ANKIB1: variants seen among roughly 807,000 people sequenced by gnomAD.
ANKIB1 encodes ankyrin repeat and IBR domain-containing protein 1.
ANKIB1 carries 43 observed loss-of-function variants against 122.1 expected under a neutral mutation model. That is an observed-to-expected ratio of 0.35 (90% CI 0.28 to 0.45). The LOEUF (loss-of-function observed/expected upper bound fraction) is 0.45, where lower values mean the gene tolerates loss of function less well. ANKIB1 is among the 20% of genes least tolerant of loss of function. The pLI, the probability that ANKIB1 is intolerant of heterozygous loss-of-function variation, is 1.00. For missense variants in ANKIB1, 992 were observed against 1,329.5 expected (o/e 0.75, Z 3.95); for synonymous variants, 390 against 442.0 (o/e 0.88, Z 1.48).
Position 92,260,304 on chromosome 7 carries a change from A to G in ANKIB1, c.-91+13785A>G, listed in dbSNP as rs926574881. On this transcript the variant is annotated intron_variant, in intron 1 of 19. Coordinates refer to ENST00000265742, the MANE Select transcript of ANKIB1 (RefSeq NM_019004.2). ...ACACAGGGTATGCTCCTATGCATGC[A>G]CTGGCTATTTCCTCTATCTGGAATA... Among the ~76,000 whole-genome samples the G allele has an allele frequency of 2.6e-5, 4 of 152,146 alleles. 1 individual carries two copies. The highest frequency in any genetic ancestry group is 4.8e-5 in the African/African-American group (2 of 41,422).
At chr7:92,278,642 A>G (rs928443340) in intron 1 of ANKIB1, among the ~76,000 whole-genome samples, 1 of 152,228 alleles carries the variant, frequency 6.6e-6, no homozygotes, top group African/African-American at 2.4e-5. Context: ...TCTTAGAACA[A>G]TATATTTATA....
At chr7:92,246,658 C>A (rs559212075) in intron 1 of ANKIB1, 139 bp downstream of exon 1, 1 of 448,278 alleles carries the variant, frequency 2.2e-6, no homozygotes, top group South Asian at 1.6e-5. Context: ...CATTGTTGTT[C>A]TGTCTGTCCC....
At chr7:92,321,033 A>G (rs1400645092) in intron 4 of ANKIB1, among the ~76,000 whole-genome samples, 1 of 151,892 alleles carries the variant, frequency 6.6e-6, no homozygotes, top group East Asian at 1.9e-4. Flanking sequence ...TCTCGCAGTT[A>G]TTTTTTGCCG....
At position 92,360,242 on chromosome 7, in the gene ANKIB1, A is replaced by G. The variant is rs551957146; in HGVS notation, c.1398-1943A>G. ...GTAACTCCCCATCCTCTCCTCCCCCAAGCTGGTAACAACCACTCTACTTTC... is the reference window on the plus strand; with the variant it reads ...GTAACTCCCCATCCTCTCCTCCCCCGAGCTGGTAACAACCACTCTACTTTC... On this transcript the variant is annotated intron_variant, in intron 9 of 19. Coordinates refer to ENST00000265742, the MANE Select transcript of ANKIB1 (RefSeq NM_019004.2). Among the ~76,000 whole-genome samples the G allele has an allele frequency of 2.6e-5, 4 of 152,214 alleles. No individual in the cohort carries two copies. The South Asian group carries it at 8.3e-4, about 32-fold the overall frequency.
chr7:92,397,891 C>T, intron 19 of ANKIB1, 32 bp downstream of exon 19: 1 of 1,584,218 alleles, frequency 6.3e-7, no homozygotes, highest in Middle Eastern at 1.7e-4. Context: ...ATTGCCTGTG[C>T]TTTTACTCTT....
intron 1 of ANKIB1, among the ~76,000 whole-genome samples, chr7:92,279,180 G>A (rs1446064750): frequency 6.6e-6 from 1 of 152,196 alleles, no homozygotes; most frequent in African/African-American, 2.4e-5. Flanking sequence ...GCAGAACTCA[G>A]GGGGTAATGT....
At chr7:92,354,709 C>A (rs1803749624) in intron 9 of ANKIB1, among the ~76,000 whole-genome samples, 1 of 151,868 alleles carries the variant, frequency 6.6e-6, no homozygotes. Flanking sequence ...TAGCTTTATA[C>A]CCTTATTCAT....
chr7:92,372,503 C>T (rs1804291834), intron 11 of ANKIB1, among the ~76,000 whole-genome samples: 1 of 152,088 alleles, frequency 6.6e-6, no homozygotes, highest in African/African-American at 2.4e-5. Context: ...CTGTATAATA[C>T]AAGAACCCAA....
intron 11 of ANKIB1, among the ~76,000 whole-genome samples, chr7:92,375,939 C>T (rs187677280): frequency 6.6e-6 from 1 of 152,320 alleles, no homozygotes; most frequent in African/African-American, 2.4e-5. Context: ...ACATTCATTT[C>T]CTTGTACATC....
chr7:92,328,451 A>G (rs942144279), intron 5 of ANKIB1, among the ~76,000 whole-genome samples: 2 of 152,132 alleles, frequency 1.3e-5, no homozygotes, highest in Non-Finnish European at 2.9e-5. Context: ...TTTTTTAGAC[A>G]TAACTAACTT....
intron 11 of ANKIB1, among the ~76,000 whole-genome samples, chr7:92,374,346 C>T (rs200776654): frequency 2.6e-5 from 4 of 152,110 alleles, no homozygotes; most frequent in African/African-American, 9.6e-5. Flanking sequence ...GGTATGGTGA[C>T]GGGCACCTGT....
chr7:92,374,636 C>T (rs1257497489), intron 11 of ANKIB1, among the ~76,000 whole-genome samples: 2 of 151,864 alleles, frequency 1.3e-5, no homozygotes, highest in Non-Finnish European at 2.9e-5. Flanking sequence ...AGGGCCATAG[C>T]TAAAGCAATG....
chr7:92,288,655 A>G (rs1471622295), intron 1 of ANKIB1, among the ~76,000 whole-genome samples: 1 of 152,236 alleles, frequency 6.6e-6, no homozygotes, highest in Non-Finnish European at 1.5e-5. Context: ...TAGCATCTAT[A>G]TGGATCTCAA....
intron 17 of ANKIB1, among the ~76,000 whole-genome samples, chr7:92,394,692 G>A (rs148418392): frequency 1.3e-5 from 2 of 152,246 alleles, no homozygotes; most frequent in East Asian, 3.9e-4. Flanking sequence ...GGTCTGTTGA[G>A]CCTTGACGAC....
intron 1 of ANKIB1, among the ~76,000 whole-genome samples, chr7:92,285,201 G>A (rs1428456242): frequency 1.3e-5 from 2 of 152,086 alleles, no homozygotes; most frequent in African/African-American, 4.8e-5. Context: ...ATTTTTAGTA[G>A]ATGGGGTTTC....
At chr7:92,307,939 C>T (rs1585099520) in intron 3 of ANKIB1, among the ~76,000 whole-genome samples, 1 of 151,104 alleles carries the variant, frequency 6.6e-6, no homozygotes, top group Non-Finnish European at 1.5e-5. Flanking sequence ...TCAGCCTCCC[C>T]AGTAGCTGGG....
chr7:92,246,660 GTC>G (rs1222268689), intron 1 of ANKIB1, 141 bp downstream of exon 1: 2 of 447,434 alleles, frequency 4.5e-6, no homozygotes, highest in Non-Finnish European at 9.0e-6. Context: ...TTGTTGTTCT[GTC>G]TGTCCCCATC....
chr7:92,363,224 A>T (rs1585126628), intron 10 of ANKIB1, among the ~76,000 whole-genome samples: 2 of 152,126 alleles, frequency 1.3e-5, no homozygotes, highest in East Asian at 3.9e-4. Flanking sequence ...CATCCTGGCC[A>T]ACATGGTGAA....
At chr7:92,389,755 A>G (rs1263879958) in intron 14 of ANKIB1, among the ~76,000 whole-genome samples, 1 of 152,122 alleles carries the variant, frequency 6.6e-6, no homozygotes, top group Non-Finnish European at 1.5e-5. Flanking sequence ...CTGCTGGGGC[A>G]TATGCTTCTT....
Sources: allele counts gnomAD v4.1 joint callset (sites outside exome capture counted in the v4.1 genomes callset), GRCh38; gene constraint gnomAD v4.1.1; transcripts MANE v1.5; gene names NCBI Gene and HGNC (gene_info 2026-07-23, HGNC 2026-07-21).